Variants in BCAS4 observed in about 807,000 individuals in gnomAD.
BCAS4 encodes the protein breast carcinoma-amplified sequence 4.
Under a neutral mutation model 15.7 loss-of-function variants are expected in BCAS4, and 9 were observed. The ratio of observed to expected loss-of-function variants is 0.57; its 90% CI spans 0.34 to 1.00. The LOEUF is 1.00. Ranked by LOEUF, BCAS4 falls within the 50% of genes least tolerant of loss-of-function variation. BCAS4 has a pLI of 0.02. For missense variants in BCAS4, 225 were observed against 239.1 expected, an observed-to-expected ratio of 0.94 and a Z score of 0.39; for synonymous variants, 101 against 99.5, an observed-to-expected ratio of 1.02 and a Z score of -0.09.
At chr20:50,821,457 T>C (rs573689322) in intron 2 of BCAS4, among the ~76,000 whole-genome samples, 15 of 152,330 alleles carry the variant, frequency 9.8e-5, no homozygotes, top group Admixed American at 5.9e-4. Context: ...GCTTACCTGG[T>C]ATGTCTGCTG....
At chr20:50,814,988 T>A (rs987854184) in intron 1 of BCAS4, among the ~76,000 whole-genome samples, 1 of 152,160 alleles carries the variant, frequency 6.6e-6, no homozygotes, top group African/African-American at 2.4e-5. Flanking sequence ...AGCTATGGAA[T>A]GCAACCCCTT....
chr20:50,856,102 A>C (rs375345726), intron 4 of BCAS4, among the ~76,000 whole-genome samples: 2 of 152,204 alleles, frequency 1.3e-5, no homozygotes, highest in South Asian at 4.1e-4. Flanking sequence ...TGGGCCCGGC[A>C]GGGGATGGCA....
At chr20:50,862,301 TCTC>T (rs772150048) in intron 4 of BCAS4, among the ~76,000 whole-genome samples, 1 of 152,152 alleles carries the variant, frequency 6.6e-6, no homozygotes, top group African/African-American at 2.4e-5. Context: ...TCCCTTTGTG[TCTC>T]CTCCTGTCTC....
chr20:50,853,860 G>C (rs1387293856), intron 4 of BCAS4, among the ~76,000 whole-genome samples: 1 of 137,374 alleles, frequency 7.3e-6, no homozygotes, highest in African/African-American at 3.1e-5. Flanking sequence ...TAGATGTTTT[G>C]TATACTCGGG....
intron 4 of BCAS4, among the ~76,000 whole-genome samples, chr20:50,859,144 T>C (rs910935516): frequency 6.6e-6 from 1 of 152,132 alleles, no homozygotes; most frequent in African/African-American, 2.4e-5. Flanking sequence ...TGTCTTGCTA[T>C]GTTGCCCAGG....
At chr20:50,874,273 G>A (rs921517220) in intron 4 of BCAS4, among the ~76,000 whole-genome samples, 10 of 152,178 alleles carry the variant, frequency 6.6e-5, no homozygotes, top group Admixed American at 6.5e-4. Context: ...GCTGATCCCC[G>A]CAGCCCCCAC....
chr20:50,841,228 C>A (rs1195475677), intron 3 of BCAS4, among the ~76,000 whole-genome samples: 1 of 152,184 alleles, frequency 6.6e-6, no homozygotes, highest in Non-Finnish European at 1.5e-5. Flanking sequence ...TCCCATTAGG[C>A]CCCCTTTACC....
intron 4 of BCAS4, among the ~76,000 whole-genome samples, chr20:50,874,261 G>A (rs1029282909): frequency 1.3e-5 from 2 of 152,054 alleles, no homozygotes; most frequent in African/African-American, 2.4e-5. Flanking sequence ...CCCTGTCTAC[G>A]CGCTGATCCC....
chr20:50,841,755 G>A lies in BCAS4; in HGVS notation c.265-11G>A, dbSNP rs776804680. The A allele has an allele frequency of 1.5e-5, 24 of 1,613,808 alleles. No homozygotes were observed. The highest frequency in any genetic ancestry group is 6.6e-5 in the South Asian group (6 of 91,082). The stretch of plus-strand genomic sequence containing the variant: ...ACAGATGCGGCATCATGGCTTCTCC[G>A]TGTCCCTCAGGCCTTCGTCAAGATG... On this transcript the variant is annotated splice_polypyrimidine_tract_variant and intron_variant, in intron 3 of 4. Transcript: ENST00000371608.
downstream of BCAS4, chr20:50,878,964 G>C (rs1054194004): frequency 7.3e-6 from 1 of 136,658 alleles, no homozygotes; most frequent in African/African-American, 2.8e-5. Flanking sequence ...CAGGCTGACA[G>C]CATACTGACA....
intron 4 of BCAS4, among the ~76,000 whole-genome samples, chr20:50,842,823 C>T (rs1416384050): frequency 6.6e-6 from 1 of 152,218 alleles, no homozygotes; most frequent in Admixed American, 6.5e-5. Flanking sequence ...GACTTGCCCC[C>T]TTCACAGGAA....
At chr20:50,822,626 T>C (rs1412315897) in intron 2 of BCAS4, among the ~76,000 whole-genome samples, 1 of 151,806 alleles carries the variant, frequency 6.6e-6, no homozygotes, top group Non-Finnish European at 1.5e-5. Context: ...AGCTTGGCAG[T>C]TTCTTACAGG....
intron 1 of BCAS4, among the ~76,000 whole-genome samples, chr20:50,811,181 G>C (rs1256869272): frequency 6.6e-6 from 1 of 152,028 alleles, no homozygotes; most frequent in African/African-American, 2.4e-5. Context: ...GGTGTTTTCT[G>C]AGCAGGTAGA....
At chr20:50,875,653 C>A (rs988262728) in intron 4 of BCAS4, among the ~76,000 whole-genome samples, 1 of 150,820 alleles carries the variant, frequency 6.6e-6, no homozygotes, top group African/African-American at 2.4e-5. Flanking sequence ...TGGTGGTGCA[C>A]GCCTATAATC....
intron 4 of BCAS4, among the ~76,000 whole-genome samples, chr20:50,842,499 C>A (rs1456068889): frequency 0.021 from 3 of 146 alleles, no homozygotes; most frequent in East Asian, 0.1. Context: ...TCACTGCAAC[C>A]TTTGGCCTCC....
At chr20:50,871,632 G>A (rs1318634707) in intron 4 of BCAS4, among the ~76,000 whole-genome samples, 3 of 152,208 alleles carry the variant, frequency 2.0e-5, no homozygotes, top group African/African-American at 7.2e-5. Context: ...AGCAAAATAG[G>A]GTTCACGCGC....
intron 2 of BCAS4, among the ~76,000 whole-genome samples, chr20:50,827,826 A>T (rs969041122): frequency 6.6e-6 from 1 of 152,108 alleles, no homozygotes; most frequent in African/African-American, 2.4e-5. Flanking sequence ...TACCGGGTTT[A>T]AGCGATTCTC....
At chr20:50,864,905 C>G (rs1010162654) in intron 4 of BCAS4, among the ~76,000 whole-genome samples, 2 of 151,614 alleles carry the variant, frequency 1.3e-5, no homozygotes, top group South Asian at 4.2e-4. Context: ...ACCAGCCTAG[C>G]CAACATGGTG....
At chr20:50,852,409 T>A (rs1053846707) in intron 4 of BCAS4, among the ~76,000 whole-genome samples, 5 of 151,996 alleles carry the variant, frequency 3.3e-5, no homozygotes. Flanking sequence ...TTTTTTATAG[T>A]TACACTCTGT....
Sources: allele counts gnomAD v4.1 joint callset (sites outside exome capture counted in the v4.1 genomes callset), GRCh38; gene constraint gnomAD v4.1.1; transcripts MANE v1.5; gene names NCBI Gene and HGNC (gene_info 2026-07-23, HGNC 2026-07-21).